The following FERMT2 variants were observed in gnomAD, a reference collection of about 807,000 sequenced individuals.
FERMT2 encodes fermitin family homolog 2.
A neutral mutation model predicts 82.7 loss-of-function variants in FERMT2; 15 were observed. That is an observed-to-expected ratio of 0.18 (90% CI 0.12 to 0.28). The LOEUF (loss-of-function observed/expected upper bound fraction) is 0.28. Ranked by LOEUF, FERMT2 falls within the 10% of genes least tolerant of loss-of-function variation. The pLI, the probability that FERMT2 is intolerant of heterozygous loss-of-function variation, is 1.00. For synonymous variants in FERMT2, 274 were observed against 271.5 expected (o/e 1.01, Z -0.09); for missense variants, 645 against 809.4 (o/e 0.80, Z 2.46).
At chr14:52,884,588 C>T (rs563528362) in intron 4 of FERMT2, among the ~76,000 whole-genome samples, 8 of 150,444 alleles carry the variant, frequency 5.3e-5, no homozygotes, top group Middle Eastern at 3.6e-3. Context: ...GTGACAAGAG[C>T]GAAACTCCGT....
chr14:52,866,009 C>G (rs2140068735), intron 10 of FERMT2, among the ~76,000 whole-genome samples: 1 of 152,292 alleles, frequency 6.6e-6, no homozygotes, highest in South Asian at 2.1e-4. Flanking sequence ...GTGTGACGAA[C>G]TGTTTAATGT....
intron 10 of FERMT2, among the ~76,000 whole-genome samples, chr14:52,868,468 G>C (rs73302506): frequency 0.025 from 3,793 of 151,934 alleles, 153 homozygotes; most frequent in African/African-American, 0.087. Flanking sequence ...ATTTTATCTC[G>C]CCAACATGCT....
At chr14:52,930,940 A>AC (rs1287217231) in intron 2 of FERMT2, among the ~76,000 whole-genome samples, 4 of 152,122 alleles carry the variant, frequency 2.6e-5, no homozygotes, top group Non-Finnish European at 5.9e-5. Context: ...TTTACTCTTG[A>AC]CCCCTTTAGG....
intron 2 of FERMT2, among the ~76,000 whole-genome samples, chr14:52,935,995 G>T (rs1376438484): frequency 1.3e-5 from 2 of 152,184 alleles, no homozygotes; most frequent in African/African-American, 4.8e-5. Flanking sequence ...TTTCCAGAGG[G>T]TGGGTAACTT....
intron 12 of FERMT2, chr14:52,861,162 GC>G: frequency 1.4e-6 from 1 of 712,804 alleles, no homozygotes; most frequent in East Asian, 2.9e-5. Flanking sequence ...CAAAAGTCAT[GC>G]AAAAAACTAC....
intron 2 of FERMT2, among the ~76,000 whole-genome samples, chr14:52,928,983 A>G (rs1196311999): frequency 6.6e-6 from 1 of 152,118 alleles, no homozygotes; most frequent in African/African-American, 2.4e-5. Flanking sequence ...CCATTCTCAT[A>G]GCTTTAAAAG....
At chr14:52,900,928 G>A (rs993075290) in intron 3 of FERMT2, among the ~76,000 whole-genome samples, 5 of 151,868 alleles carry the variant, frequency 3.3e-5, no homozygotes, top group African/African-American at 1.2e-4. Flanking sequence ...GGGATGATGA[G>A]CTAAACTCCA....
intron 2 of FERMT2, 71 bp downstream of exon 2, chr14:52,950,341 T>G: frequency 6.7e-7 from 1 of 1,481,584 alleles, no homozygotes; most frequent in Non-Finnish European, 9.3e-7. Flanking sequence ...CCCTCCCCCG[T>G]CGTGAGCCTC....
At chr14:52,891,801 A>G (rs969251119) in intron 4 of FERMT2, among the ~76,000 whole-genome samples, 1 of 152,214 alleles carries the variant, frequency 6.6e-6, no homozygotes, top group Non-Finnish European at 1.5e-5. Context: ...GGAAACTGCA[A>G]TGTTCAGTCC....
At chr14:52,938,418 A>G (rs1305913651) in intron 2 of FERMT2, among the ~76,000 whole-genome samples, 2 of 152,342 alleles carry the variant, frequency 1.3e-5, no homozygotes, top group East Asian at 3.9e-4. Flanking sequence ...TCCTTTAAAT[A>G]CCATATTTAG....
intron 11 of FERMT2, 37 bp from the exon 12 acceptor site, chr14:52,864,659 C>G: frequency 6.3e-7 from 1 of 1,587,728 alleles, no homozygotes; most frequent in Non-Finnish European, 8.6e-7. Flanking sequence ...CAATGTATCA[C>G]GAGGTGGGTC....
chr14:52,933,124 C>A (rs1201663031), intron 2 of FERMT2, among the ~76,000 whole-genome samples: 7 of 152,140 alleles, frequency 4.6e-5, no homozygotes, highest in Non-Finnish European at 1.0e-4. Flanking sequence ...ACCAAGATCA[C>A]AGAACAGTCA....
At chr14:52,892,344 G>A (rs921193619) in intron 4 of FERMT2, among the ~76,000 whole-genome samples, 47 of 151,840 alleles carry the variant, frequency 3.1e-4, no homozygotes, top group Admixed American at 6.5e-4. Flanking sequence ...GTTTCACCAC[G>A]TTGGCCAGGC....
chr14:52,908,104 C>T (rs568787283), intron 3 of FERMT2, among the ~76,000 whole-genome samples: 1 of 152,272 alleles, frequency 6.6e-6, no homozygotes, highest in East Asian at 1.9e-4. Flanking sequence ...TGCTCAACAT[C>T]ATTAGTCACT....
chr14:52,920,806 A>G (rs773405710), intron 2 of FERMT2, among the ~76,000 whole-genome samples: 2 of 151,822 alleles, frequency 1.3e-5, no homozygotes, highest in Non-Finnish European at 1.5e-5. Flanking sequence ...TTAGCTGGGC[A>G]TGGTACATGT....
intron 2 of FERMT2, among the ~76,000 whole-genome samples, chr14:52,923,313 T>C (rs937293569): frequency 1.3e-5 from 2 of 152,072 alleles, no homozygotes; most frequent in African/African-American, 4.8e-5. Context: ...TGTTCACACA[T>C]TGTCTATGTC....
chr14:52,864,531 T>C lies in FERMT2; in HGVS notation c.1472A>G (p.Asn491Ser), dbSNP rs1385634223. The part of the protein sequence containing the change: ...ADSSYNLEVQ[N>S]ILSFLKMQHL... ...CTGCATCTTCAGAAAGGAAAGAATA[T>C]TCTGAACTTCTAAGTTGTAAGAACT... The change falls in exon 12 of 15, where the codon AAT becomes AGT. Residue 491 changes from asparagine (N) to serine (S), a missense_variant. Coordinates refer to ENST00000341590, the MANE Select transcript of FERMT2 (RefSeq NM_006832.3). 5.0e-6 allele frequency: 8 copies of C among 1,614,180 alleles called. No individual in the cohort carries two copies. Among genetic ancestry groups the C allele is most frequent in the Non-Finnish European group, 6.8e-6 (8 of 1,179,994 alleles).
intron 3 of FERMT2, among the ~76,000 whole-genome samples, chr14:52,911,570 G>A (rs895169006): frequency 2.6e-5 from 4 of 151,604 alleles, no homozygotes; most frequent in East Asian, 1.9e-4. Flanking sequence ...AGAATGGCGT[G>A]AACCCGGGAG....
intron 7 of FERMT2, among the ~76,000 whole-genome samples, chr14:52,878,322 A>G (rs1886091557): frequency 6.6e-6 from 1 of 152,114 alleles, no homozygotes; most frequent in South Asian, 2.1e-4. Context: ...GTGAGAGGAT[A>G]ATTTTTTTCC....
Sources: gnomAD v4.1 joint callset for allele counts (sites outside exome capture counted in the v4.1 genomes callset) on GRCh38, gnomAD v4.1.1 for gene constraint, MANE v1.5 for transcripts, NCBI Gene and HGNC (gene_info 2026-07-23, HGNC 2026-07-21) for gene names.